DMXL1: variants seen among roughly 807,000 people sequenced by gnomAD.
DMXL1 encodes Dmx like 1.
In DMXL1, 99 loss-of-function variants were observed where a neutral mutation model predicts 319.2. The observed-to-expected ratio is 0.31, with a 90% CI of 0.26 to 0.37. The LOEUF (loss-of-function observed/expected upper bound fraction) is 0.37. Among genes scored for constraint, DMXL1 ranks in the 10% least tolerant of loss-of-function variants. The probability of loss-of-function intolerance (pLI) is 1.00; values close to 1 mark genes in which losing one functional copy is unlikely to be tolerated. For missense variants in DMXL1, 3,745 were observed against 3,595.6 expected, an observed-to-expected ratio of 1.04 and a Z score of -1.06; for synonymous variants, 1,385 against 1,235.2, an observed-to-expected ratio of 1.12 and a Z score of -2.54.
intron 25 of DMXL1, 148 bp from the exon 26 acceptor site, chr5:119,175,113 G>T: frequency 3.8e-6 from 2 of 528,758 alleles, no homozygotes; most frequent in Non-Finnish European, 6.7e-6. Flanking sequence ...ATAAAAATGA[G>T]TGTTGTAGAA....
In DMXL1 at chr5:119,148,823, T is replaced by A; in HGVS notation, c.2996T>A (p.Phe999Tyr). ...ATSCSDEKVRFWRCRVTDGES... is the reference protein window; with the variant it reads ...ATSCSDEKVRYWRCRVTDGES... ...TCATGTTCAGATGAGAAAGTAAGAT[T>A]CTGGAGATGCAGAGTAACAGATGGA... Residue 999 changes from phenylalanine to tyrosine, a missense_variant, in exon 18 of 44, where the codon TTC (phenylalanine) becomes TAC (tyrosine). Phe to Tyr is a conservative substitution (Grantham distance 22). Transcript: ENST00000539542. 1 of 1,613,730 alleles carries A rather than the reference T, an allele frequency of 6.2e-7. No individual in the cohort carries two copies. The highest frequency in any genetic ancestry group is 8.5e-7 in the Non-Finnish European group (1 of 1,179,740).
chr5:119,194,503 G>C (rs1779261790), intron 30 of DMXL1, among the ~76,000 whole-genome samples: 1 of 150,702 alleles, frequency 6.6e-6, no homozygotes, highest in South Asian at 2.1e-4. Context: ...AGTCTCTATT[G>C]ATATGTTTAC....
chr5:119,173,592 G>T (rs1163779386), intron 25 of DMXL1, among the ~76,000 whole-genome samples: 1 of 150,600 alleles, frequency 6.6e-6, no homozygotes, highest in Admixed American at 6.6e-5. Flanking sequence ...GAGAATCTGG[G>T]TCATATGTAT....
In DMXL1 at chr5:119,166,720, A is replaced by G. The variant is rs1773512237; in HGVS notation, c.5075A>G (p.Gln1692Arg). The change falls in exon 22 of 44, where the codon CAA becomes CGA. Residue 1692 changes from glutamine (Q) to arginine (R), a missense_variant. Transcript: ENST00000539542. ...AATGCTTTTTCTTTGCTAGGCAAAC[A>G]AAGATTTGAACATTCTGCAGCATTT... Reference protein sequence around the residue: ...LKNAFSLLGKQRFEHSAAFFL... With the variant: ...LKNAFSLLGKRRFEHSAAFFL... The G allele has an allele frequency of 6.2e-7, 1 of 1,613,180 alleles. No individual in the cohort carries two copies. Among genetic ancestry groups the G allele is most frequent in the Non-Finnish European group, 8.5e-7 (1 of 1,179,698 alleles).
intron 4 of DMXL1, among the ~76,000 whole-genome samples, chr5:119,105,597 A>C (rs1176226290): frequency 6.6e-6 from 1 of 152,160 alleles, no homozygotes; most frequent in Non-Finnish European, 1.5e-5. Context: ...GAAAAAAGTG[A>C]AATTTAAGAA....
At chr5:119,077,548 A>C (rs1277478375) in intron 1 of DMXL1, among the ~76,000 whole-genome samples, 1 of 116,098 alleles carries the variant, frequency 8.6e-6, no homozygotes, top group Non-Finnish European at 1.6e-5. Context: ...AGTACAGTGG[A>C]TCTCAGCTCA....
chr5:119,092,288 CTTT>C (rs1754973473), intron 1 of DMXL1, among the ~76,000 whole-genome samples: 1 of 151,456 alleles, frequency 6.6e-6, no homozygotes, highest in African/African-American at 2.4e-5. Flanking sequence ...AAGAAAAATT[CTTT>C]TTCTTTTTTT....
intron 4 of DMXL1, among the ~76,000 whole-genome samples, chr5:119,109,256 A>T (rs1272244550): frequency 1.3e-5 from 2 of 152,160 alleles, no homozygotes; most frequent in African/African-American, 4.8e-5. Flanking sequence ...TGAAATTTCG[A>T]TGTAAGTTAC....
chr5:119,122,068 G>T (rs1008321441), intron 9 of DMXL1, among the ~76,000 whole-genome samples: 1 of 145,536 alleles, frequency 6.9e-6, no homozygotes, highest in East Asian at 2.1e-4. Flanking sequence ...CCCGGTCGGG[G>T]CGGCTGGCCG....
Position 119,220,972 on chromosome 5 carries a change from A to G in DMXL1, c.8168A>G (p.Asp2723Gly), listed in dbSNP as rs772215639. 1 of 1,613,534 alleles carries G rather than the reference A, an allele frequency of 6.2e-7. No individual in the cohort carries two copies. Among genetic ancestry groups the G allele is most frequent in the Non-Finnish European group, 8.5e-7 (1 of 1,179,700 alleles). Residue 2723 changes from aspartate to glycine, a missense_variant, in exon 37 of 44, where the codon GAT (aspartate) becomes GGT (glycine). Physicochemically the swap from Asp to Gly is moderately conservative, Grantham distance 94. Transcript: ENST00000539542. Reference sequence around the variant, plus strand: ...GATTTCTTGGTTATACATGCTCGTGATGATTTAACAGCTGTTCAAGGTACA... The same window carrying G: ...GATTTCTTGGTTATACATGCTCGTGGTGATTTAACAGCTGTTCAAGGTACA... Reference protein sequence around the residue: ...SEDFLVIHARDDLTAVQGTTP... With the variant: ...SEDFLVIHARGDLTAVQGTTP...
chr5:119,081,039 T>C (rs1752082382), intron 1 of DMXL1, among the ~76,000 whole-genome samples: 1 of 152,232 alleles, frequency 6.6e-6, no homozygotes, highest in Non-Finnish European at 1.5e-5. Context: ...CTTTTTCAGA[T>C]GTTACCCACT....
chr5:119,190,794 T>C (rs1778576284), intron 29 of DMXL1, among the ~76,000 whole-genome samples: 1 of 152,184 alleles, frequency 6.6e-6, no homozygotes, highest in African/African-American at 2.4e-5. Flanking sequence ...ATGATGAAGA[T>C]GTTCAGAGAT....
chr5:119,124,399 C>G (rs763923168), intron 9 of DMXL1, among the ~76,000 whole-genome samples: 3 of 151,672 alleles, frequency 2.0e-5, no homozygotes, highest in African/African-American at 2.4e-5. Context: ...TTTCCTTGAG[C>G]GTGAGAAGGG....
At chr5:119,072,385 A>G (rs535862465) in intron 1 of DMXL1, among the ~76,000 whole-genome samples, 17 of 152,118 alleles carry the variant, frequency 1.1e-4, no homozygotes, top group Admixed American at 2.6e-4. Flanking sequence ...CAATTTCAAA[A>G]TATAAGTCAG....
chr5:119,184,743 C>G (rs1215013619), intron 28 of DMXL1, among the ~76,000 whole-genome samples: 1 of 152,092 alleles, frequency 6.6e-6, no homozygotes, highest in Non-Finnish European at 1.5e-5. Context: ...AGTGTTTTGT[C>G]TTTTTGTGAC....
intron 41 of DMXL1, among the ~76,000 whole-genome samples, chr5:119,239,394 C>G (rs940397057): frequency 6.6e-6 from 1 of 152,126 alleles, no homozygotes; most frequent in Non-Finnish European, 1.5e-5. Flanking sequence ...GCACTAGAAA[C>G]AGGATTGTAA....
intron 1 of DMXL1, among the ~76,000 whole-genome samples, chr5:119,076,302 GT>G (rs1393980809): frequency 6.6e-6 from 1 of 152,152 alleles, no homozygotes; most frequent in Non-Finnish European, 1.5e-5. Flanking sequence ...TCAGCTTTCT[GT>G]AATAAGCATC....
At chr5:119,230,768 T>C (rs1000392880) in intron 38 of DMXL1, among the ~76,000 whole-genome samples, 2 of 151,958 alleles carry the variant, frequency 1.3e-5, no homozygotes, top group African/African-American at 4.8e-5. Flanking sequence ...TGTAGTCCCA[T>C]CTACTCAGGA....
intron 34 of DMXL1, among the ~76,000 whole-genome samples, chr5:119,212,196 AAAC>A (rs1216425460): frequency 6.6e-6 from 1 of 152,172 alleles, no homozygotes; most frequent in Non-Finnish European, 1.5e-5. Flanking sequence ...TGTGCCCGCT[AAAC>A]AACAGCTCCC....
Sources: gnomAD v4.1 joint callset for allele counts (sites outside exome capture counted in the v4.1 genomes callset) on GRCh38, gnomAD v4.1.1 for gene constraint, MANE v1.5 for transcripts, NCBI Gene and HGNC (gene_info 2026-07-23, HGNC 2026-07-21) for gene names.